Variants in ELOVL6 observed in about 807,000 individuals in gnomAD.
ELOVL6 encodes the protein ELOVL fatty acid elongase 6.
In ELOVL6, 8 loss-of-function variants were observed where a neutral mutation model predicts 31.7. The ratio of observed to expected loss-of-function variants is 0.25; its 90% CI spans 0.15 to 0.45. ELOVL6 has a LOEUF of 0.45. ELOVL6 is among the 20% of genes least tolerant of loss of function. The probability of loss-of-function intolerance (pLI) is 1.00; values close to 1 mark genes in which losing one functional copy is unlikely to be tolerated. For missense variants in ELOVL6, 126 were observed against 326.4 expected, an observed-to-expected ratio of 0.39 and a Z score of 4.73; for synonymous variants, 101 against 117.7, an observed-to-expected ratio of 0.86 and a Z score of 0.92.
At position 110,198,177 on chromosome 4, in the gene ELOVL6, C is replaced by G. The variant is rs1759876189; in HGVS notation, c.89+70G>C. On this transcript the variant is annotated intron_variant, in intron 1 of 3. Coordinates refer to ENST00000302274, the MANE Select transcript of ELOVL6 (RefSeq NM_024090.3). ...TCCATTCACGCCCAGGCAGGGAATACCGACATTAAGGCACTCCGGGAAGAC... is the reference window on the plus strand; with the variant it reads ...TCCATTCACGCCCAGGCAGGGAATAGCGACATTAAGGCACTCCGGGAAGAC... The G allele has an allele frequency of 5.5e-6, 5 of 915,510 alleles. No homozygotes were observed. The South Asian group carries it at 6.4e-5, about 12-fold the overall frequency. The allele number at this position is 915,510 out of a possible 1,614,324, so 56.7% of individuals were successfully genotyped here. A position where few individuals can be genotyped will look rare whatever the true frequency, so the allele number is the denominator to read the frequency against.
intron 1 of ELOVL6, among the ~76,000 whole-genome samples, chr4:110,179,007 T>C (rs1420569818): frequency 6.6e-6 from 1 of 152,148 alleles, no homozygotes; most frequent in South Asian, 2.1e-4. Flanking sequence ...AAACTACAAC[T>C]GATAATGTTT....
At chr4:110,182,603 G>GAATATAAT (rs1446954023) in intron 1 of ELOVL6, among the ~76,000 whole-genome samples, 1 of 152,086 alleles carries the variant, frequency 6.6e-6, no homozygotes, top group Non-Finnish European at 1.5e-5. Flanking sequence ...AATATGAACA[G>GAATATAAT]ATTATAGAAA....
chr4:110,057,929 G>A (rs183886064), intron 3 of ELOVL6, among the ~76,000 whole-genome samples: 1 of 150,754 alleles, frequency 6.6e-6, no homozygotes, highest in East Asian at 1.9e-4. Context: ...ATCAACCCCA[G>A]TTTGAGAACA....
At chr4:110,146,993 G>GAAAAAAA (rs146310263) in intron 1 of ELOVL6, 1 of 146,966 alleles carries the variant, frequency 6.8e-6, no homozygotes, top group Admixed American at 6.8e-5. Flanking sequence ...CTGTCTCAAA[G>GAAAAAAA]AAAAAAAAAA....
intron 1 of ELOVL6, among the ~76,000 whole-genome samples, chr4:110,164,379 G>T (rs147301761): frequency 6.6e-6 from 1 of 152,260 alleles, no homozygotes; most frequent in East Asian, 1.9e-4. Flanking sequence ...GGTTTGTATA[G>T]CATGAGTATT....
intron 1 of ELOVL6, among the ~76,000 whole-genome samples, chr4:110,174,340 A>G (rs1190423981): frequency 6.6e-6 from 1 of 151,834 alleles, no homozygotes; most frequent in East Asian, 1.9e-4. Flanking sequence ...TGATTTTTGT[A>G]TTTTCAGTAG....
chr4:110,084,414 CATGATATATCACATATATCATAT>C (rs1251843304), intron 2 of ELOVL6, among the ~76,000 whole-genome samples: 1 of 22,892 alleles, frequency 4.4e-5, no homozygotes, highest in Non-Finnish European at 1.0e-4. Context: ...ATATGACATA[CATGATATATCACATATATCATAT>C]ATGATATATC....
At chr4:110,139,171 GA>G (rs1201395228) in intron 1 of ELOVL6, among the ~76,000 whole-genome samples, 1 of 152,002 alleles carries the variant, frequency 6.6e-6, no homozygotes, top group Non-Finnish European at 1.5e-5. Flanking sequence ...ACAACAAAAT[GA>G]AAACGTTTTT....
At chr4:110,081,396 TATAGAC>T (rs1755844658) in intron 2 of ELOVL6, among the ~76,000 whole-genome samples, 1 of 152,048 alleles carries the variant, frequency 6.6e-6, no homozygotes, top group African/African-American at 2.4e-5. Context: ...AAAACAGAGA[TATAGAC>T]CAATGGAACA....
intron 2 of ELOVL6, among the ~76,000 whole-genome samples, chr4:110,078,275 G>C (rs1755715200): frequency 6.6e-6 from 1 of 152,122 alleles, no homozygotes; most frequent in South Asian, 2.1e-4. Context: ...GCAACTCCAA[G>C]ACACATAATT....
At chr4:110,148,426 A>G (rs1377047980) in intron 1 of ELOVL6, among the ~76,000 whole-genome samples, 1 of 151,170 alleles carries the variant, frequency 6.6e-6, no homozygotes, top group Non-Finnish European at 1.5e-5. Context: ...TGTACAATCT[A>G]AACAGTTGAA....
intron 1 of ELOVL6, among the ~76,000 whole-genome samples, chr4:110,155,248 A>G (rs987935166): frequency 6.6e-6 from 1 of 152,108 alleles, no homozygotes; most frequent in African/African-American, 2.4e-5. Flanking sequence ...AATTATTATG[A>G]TTGTTTTTTA....
chr4:110,056,122 T>TGTG (rs1553953492), intron 3 of ELOVL6, among the ~76,000 whole-genome samples: 2 of 123,194 alleles, frequency 1.6e-5, no homozygotes, highest in Non-Finnish European at 3.3e-5. Context: ...TTGTGGGAGC[T>TGTG]GGGGGGGGGG....
At position 110,051,895 on chromosome 4, in the gene ELOVL6, GTACT is replaced by G; in HGVS notation, c.374-137_374-134del. The G allele has an allele frequency of 2.9e-6, 2 of 695,216 alleles. No homozygotes were observed. Among genetic ancestry groups the G allele is most frequent in the Admixed American group, 5.6e-5 (2 of 35,490 alleles). The allele number at this position is 695,216 out of a possible 1,614,324, so 43.1% of individuals were successfully genotyped here. On this transcript the variant is annotated intron_variant, in intron 3 of 3. Coordinates refer to ENST00000302274, the MANE Select transcript of ELOVL6 (RefSeq NM_024090.3). The surrounding 1 kb of genome is among the most constrained non-coding windows in gnomAD (Gnocchi z 4.8). ...TAGACTGGATTAGAACCCTGAACTG[GTACT>G]TACTAGCTCTGTGACCCTGGACAAG...
At chr4:110,190,460 C>T (rs1759580820) in intron 1 of ELOVL6, among the ~76,000 whole-genome samples, 1 of 152,188 alleles carries the variant, frequency 6.6e-6, no homozygotes, top group Non-Finnish European at 1.5e-5. Context: ...GCACAACCAA[C>T]TTAAAATTAC....
Position 110,198,383 on chromosome 4 carries a change from T to TTAA in ELOVL6, c.-49_-48insTTA. 8.5e-7 allele frequency: 1 copy of TTAA among 1,179,212 alleles called. No homozygotes were observed. The allele number at this position is 1,179,212 out of a possible 1,614,324, so 73.0% of individuals were successfully genotyped here. A position where few individuals can be genotyped will look rare whatever the true frequency, so the allele number is the denominator to read the frequency against. ...TACGTGTTCTCTATACAAAATAAAA[T>TTAA]AATCTGTAAAGCGCTTGATTTCGAG... On this transcript the variant is annotated 5_prime_UTR_variant, in exon 1 of 4. Transcript: ENST00000302274.
At chr4:110,158,437 T>C (rs977351535) in intron 1 of ELOVL6, among the ~76,000 whole-genome samples, 10 of 151,662 alleles carry the variant, frequency 6.6e-5, no homozygotes, top group African/African-American at 1.9e-4. Flanking sequence ...GGAACACAAC[T>C]CTTAGGAAGA....
chr4:110,094,746 T>C (rs1022698072), intron 2 of ELOVL6, among the ~76,000 whole-genome samples: 15 of 151,910 alleles, frequency 9.9e-5, no homozygotes, highest in Admixed American at 1.3e-4. Flanking sequence ...TCTTGATGCA[T>C]GTATGCATGT....
intron 2 of ELOVL6, among the ~76,000 whole-genome samples, chr4:110,090,758 C>T (rs1756402909): frequency 6.6e-6 from 1 of 152,058 alleles, no homozygotes. Flanking sequence ...GTGTGCACCA[C>T]CATGCCCGGC....
Sources: allele counts gnomAD v4.1 joint callset (sites outside exome capture counted in the v4.1 genomes callset), GRCh38; gene constraint gnomAD v4.1.1; non-coding constraint Gnocchi (gnomAD v3.1); transcripts MANE v1.5; gene names NCBI Gene and HGNC (gene_info 2026-07-23, HGNC 2026-07-21).